ASIC4: variants seen among roughly 807,000 people sequenced by gnomAD.
ASIC4 encodes acid-sensing ion channel 4.
In ASIC4, 28 loss-of-function variants were observed where a neutral mutation model predicts 53.4. That is an observed-to-expected ratio of 0.52 (90% confidence interval 0.39 to 0.72). The LOEUF is 0.72. Among genes scored for constraint, ASIC4 ranks in the 30% least tolerant of loss-of-function variants. The pLI is 0.00. For synonymous variants in ASIC4, 289 were observed against 301.4 expected, an observed-to-expected ratio of 0.96 and a Z score of 0.43; for missense variants, 649 against 729.7, an observed-to-expected ratio of 0.89 and a Z score of 1.27.
At position 219,536,810 on chromosome 2, in the gene ASIC4, C is replaced by T. The variant is rs1695145519; in HGVS notation, c.1230-256C>T. 6.6e-6 allele frequency among the ~76,000 whole-genome samples: 1 copy of T among 152,112 alleles called. No individual in the cohort carries two copies. The highest frequency in any genetic ancestry group is 1.5e-5 in the Non-Finnish European group (1 of 68,012). Reference sequence around the variant, plus strand: ...GAGGCAAAGGCAACACCACTGGCTGCTTTAGAGGAGGGAGGAGTGTTTCCT... The same window carrying T: ...GAGGCAAAGGCAACACCACTGGCTGTTTTAGAGGAGGGAGGAGTGTTTCCT... On this transcript the variant is annotated intron_variant, in intron 6 of 9. Coordinates refer to ENST00000358078, the MANE Select transcript of ASIC4 (RefSeq NM_018674.6). The surrounding 1 kb of genome is among the most constrained non-coding windows in gnomAD (Gnocchi z 4.6).
In ASIC4 at chr2:219,536,715, G is replaced by A. The variant is rs16860014; in HGVS notation, c.1230-351G>A. On this transcript the variant is annotated intron_variant, in intron 6 of 9. Coordinates refer to ENST00000358078, the MANE Select transcript of ASIC4 (RefSeq NM_018674.6). The surrounding 1 kb of genome is among the most constrained non-coding windows in gnomAD (Gnocchi z 4.6). Reference sequence around the variant, plus strand: ...CAGGCCACCGGCTGCCCAGGACACCGAGAAGGGGCATTGTGGAGTGGACTG... The same window carrying A: ...CAGGCCACCGGCTGCCCAGGACACCAAGAAGGGGCATTGTGGAGTGGACTG... 6.9e-3 allele frequency among the ~76,000 whole-genome samples: 1,053 copies of A among 152,178 alleles called. 13 individuals are homozygous for A. Among genetic ancestry groups the A allele is most frequent in the African/African-American group, 0.024 (997 of 41,502 alleles).
intron 1 of ASIC4, among the ~76,000 whole-genome samples, chr2:219,528,569 T>C (rs1487613384): frequency 6.9e-6 from 1 of 144,260 alleles, no homozygotes. Flanking sequence ...AGATGGAGTC[T>C]CACTCTGTTG....
At chr2:219,532,209 C>G (rs780774383) in intron 3 of ASIC4, 81 bp downstream of exon 3, 147 of 1,601,496 alleles carry the variant, frequency 9.2e-5, no homozygotes, top group Non-Finnish European at 1.2e-4. Flanking sequence ...AACCTGCCCT[C>G]TAGAAGCTCA....
Position 219,537,538 on chromosome 2 carries a change from G to GT in ASIC4, c.1402-93dup, listed in dbSNP as rs1695162826. 3 of 1,187,082 alleles carry GT rather than the reference G, an allele frequency of 2.5e-6. No individual in the cohort carries two copies. Among genetic ancestry groups the GT allele is most frequent in the East Asian group, 2.5e-5 (1 of 40,166 alleles). The allele number at this position is 1,187,082 out of a possible 1,614,324, so 73.5% of individuals were successfully genotyped here. On this transcript the variant is annotated intron_variant, in intron 8 of 9. Transcript: ENST00000358078. This position sits in a 1 kb window ranked among gnomAD's most constrained non-coding sequence, Gnocchi z 4.9. The stretch of plus-strand genomic sequence containing the variant: ...GTCCTACTGGGAGTTTGCTGTGGCA[G>GT]TAAGTCCTGTGGGCAGCTGGGCATG...
In ASIC4 at chr2:219,538,059, A is replaced by T. The variant is rs1415860163; in HGVS notation, c.*13A>T. Reference sequence around the variant, plus strand: ...TTTTGCTTGCTAGGACGGTGCTGTGACTGAAAGGACCCAGGAGTCTGGGAC... The same window carrying T: ...TTTTGCTTGCTAGGACGGTGCTGTGTCTGAAAGGACCCAGGAGTCTGGGAC... On this transcript the variant is annotated 3_prime_UTR_variant, in exon 10 of 10. Coordinates refer to ENST00000358078, the MANE Select transcript of ASIC4 (RefSeq NM_018674.6). 3.7e-6 allele frequency: 6 copies of T among 1,601,084 alleles called. No individual in the cohort carries two copies. The highest frequency in any genetic ancestry group is 4.3e-6 in the Non-Finnish European group (5 of 1,170,734).
intron 5 of ASIC4, among the ~76,000 whole-genome samples, chr2:219,534,793 CCATCCATCCATCCATCCATG>C (rs1051497590): frequency 5.8e-5 from 5 of 85,910 alleles, no homozygotes; most frequent in Non-Finnish European, 1.4e-4. Flanking sequence ...ATCCATCCAT[CCATCCATCCATCCATCCATG>C]CATGCATCCC....
In ASIC4 at chr2:219,515,060, C is replaced by G; in HGVS notation, c.336C>G (p.Phe112Leu). The G allele has an allele frequency of 1.9e-6, 3 of 1,613,568 alleles. No individual in the cohort carries two copies. Among genetic ancestry groups the G allele is most frequent in the Non-Finnish European group, 2.5e-6 (3 of 1,179,980 alleles). The change falls in exon 1 of 10, where the codon TTC (phenylalanine) becomes TTG (leucine). Residue 112 changes from phenylalanine (F) to leucine (L), a missense_variant. Physicochemically the swap from Phe to Leu is conservative, Grantham distance 22. Coordinates refer to ENST00000358078, the MANE Select transcript of ASIC4 (RefSeq NM_018674.6). ...DPAAPAPVAG[F>L]PAVTLCNINR... ...CTGCCCCAGCCCCAGTGGCGGGCTTCCCGGCTGTCACCCTCTGCAATATCA... is the reference window on the plus strand; with the variant it reads ...CTGCCCCAGCCCCAGTGGCGGGCTTGCCGGCTGTCACCCTCTGCAATATCA...
upstream of ASIC4, among the ~76,000 whole-genome samples, chr2:219,509,568 G>A (rs550247665): frequency 2.0e-5 from 3 of 152,072 alleles, no homozygotes; most frequent in African/African-American, 4.8e-5. This position sits in a 1 kb window ranked among gnomAD's most constrained non-coding sequence, Gnocchi z 5.2. Context: ...CCCCTCTGCC[G>A]CCATGGCCAC....
intron 1 of ASIC4, among the ~76,000 whole-genome samples, chr2:219,528,304 A>C (rs1346448907): frequency 6.6e-6 from 1 of 151,878 alleles, no homozygotes; most frequent in Non-Finnish European, 1.5e-5. Flanking sequence ...GCTCACTGCA[A>C]CCTCTGCCTC....
upstream of ASIC4, chr2:219,514,187 G>A: frequency 2.2e-6 from 2 of 896,446 alleles, no homozygotes; most frequent in Non-Finnish European, 3.3e-6. Flanking sequence ...GAGCGGCTAG[G>A]GTGCAGCAGG....
At chr2:219,533,308 CT>C (rs1177788390) in intron 5 of ASIC4, 3 of 373,894 alleles carry the variant, frequency 8.0e-6, no homozygotes, top group Non-Finnish European at 1.5e-5. Flanking sequence ...CAAACCCCAT[CT>C]GTCCACAGAT....
chr2:219,536,772 G>C lies in ASIC4; in HGVS notation c.1230-294G>C, dbSNP rs138074978. Among the ~76,000 whole-genome samples the C allele has an allele frequency of 5.9e-5, 9 of 152,116 alleles. No homozygotes were observed. The highest frequency in any genetic ancestry group is 1.3e-4 in the Non-Finnish European group (9 of 68,020). ...AACAGGGGTCACTGAAGGGTCCGCA[G>C]AGGCGTAAGGAGGAGGCAAAGGCAA... On this transcript the variant is annotated intron_variant, in intron 6 of 9. Transcript: ENST00000358078. The surrounding 1 kb of genome is among the most constrained non-coding windows in gnomAD (Gnocchi z 4.6).
At chr2:219,520,301 C>T (rs1694864914) in intron 1 of ASIC4, among the ~76,000 whole-genome samples, 1 of 152,166 alleles carries the variant, frequency 6.6e-6, no homozygotes, top group Non-Finnish European at 1.5e-5. Context: ...GCCCTCCTCT[C>T]TCCTCTCCCT....
At chr2:219,527,795 T>A (rs1376394977) in intron 1 of ASIC4, among the ~76,000 whole-genome samples, 1 of 152,250 alleles carries the variant, frequency 6.6e-6, no homozygotes, top group Non-Finnish European at 1.5e-5. Flanking sequence ...CAGGACTTGG[T>A]ACAAAGTCGG....
intron 6 of ASIC4, among the ~76,000 whole-genome samples, chr2:219,535,591 A>G (rs1319692429): frequency 6.6e-6 from 1 of 150,514 alleles, no homozygotes; most frequent in East Asian, 2.0e-4. Context: ...GAGTGTATGT[A>G]TCTGTGAATG....
rs1695060962 is a variant in ASIC4, at chr2:219,532,574, G to A, written c.1018+97G>A. ...TGCTCATGTGCACAGGCAGGTGCAT[G>A]TATACAACATGTGTATGTGTCTGTA... On this transcript the variant is annotated intron_variant, in intron 4 of 9. Coordinates refer to ENST00000358078, the MANE Select transcript of ASIC4 (RefSeq NM_018674.6). 9 of 1,449,770 alleles carry A rather than the reference G, an allele frequency of 6.2e-6. No homozygotes were observed. The South Asian group carries it at 6.5e-5, about 10-fold the overall frequency. 89.8% of individuals were successfully genotyped at this position (1,449,770 alleles called of 1,614,324 possible). A position where few individuals can be genotyped will look rare whatever the true frequency, so the allele number is the denominator to read the frequency against.
At chr2:219,510,235 C>T (rs1464395807), upstream of ASIC4, among the ~76,000 whole-genome samples, 3 of 151,828 alleles carry the variant, frequency 2.0e-5, no homozygotes, top group Non-Finnish European at 4.4e-5. The surrounding 1 kb of genome is among the most constrained non-coding windows in gnomAD (Gnocchi z 5.2). Context: ...ACATGCCCCT[C>T]GGAGCTCTAA....
At chr2:219,514,452 G>A, upstream of ASIC4, 1 of 1,550,138 alleles carries the variant, frequency 6.5e-7, no homozygotes, top group Non-Finnish European at 8.7e-7. Flanking sequence ...CTGTGCTGGT[G>A]CTGATAAGGG....
intron 1 of ASIC4, among the ~76,000 whole-genome samples, chr2:219,531,450 C>T (rs1695039648): frequency 6.6e-6 from 1 of 151,846 alleles, no homozygotes; most frequent in South Asian, 2.1e-4. Context: ...TTCAGAAATT[C>T]CGACTTGAGA....
Sources: allele counts gnomAD v4.1 joint callset (sites outside exome capture counted in the v4.1 genomes callset), GRCh38; gene constraint gnomAD v4.1.1; non-coding constraint Gnocchi (gnomAD v3.1); transcripts MANE v1.5; gene names NCBI Gene and HGNC (gene_info 2026-07-23, HGNC 2026-07-21).